The following BDP1 variants were observed in gnomAD, a reference collection of about 807,000 sequenced individuals.
The protein encoded by BDP1 is transcription factor TFIIIB component B'' homolog.
Under a neutral mutation model 266.6 loss-of-function variants are expected in BDP1, and 169 were observed. That is an observed-to-expected ratio of 0.63 (90% confidence interval 0.56 to 0.72). The LOEUF (loss-of-function observed/expected upper bound fraction) is 0.72. BDP1 is among the 30% of genes least tolerant of loss of function. The pLI is 0.00. For synonymous variants in BDP1, 1,090 were observed against 1,022.4 expected (o/e 1.07, Z -1.26); for missense variants, 3,015 against 3,053.8 (o/e 0.99, Z 0.30).
rs759069571 is a variant in BDP1, at chr5:71,455,968, C to T, written c.91C>T (p.Arg31Trp). The change falls in exon 1 of 39, where the codon CGG becomes TGG. Residue 31 changes from arginine to tryptophan, a missense_variant. By Grantham distance (101) the Arg-to-Trp change is moderately radical (BLOSUM62 -3). Transcript: ENST00000358731. ...CACAGCTTCCAATCCCCAGCGTGGA[C>T]GGGAGTCTCCCAGGCCGCCGGATCC... ...GSTASNPQRGRESPRPPDPAT... is the reference protein window; with the variant it reads ...GSTASNPQRGWESPRPPDPAT... The T allele has an allele frequency of 3.1e-6, 5 of 1,613,194 alleles. No homozygotes were observed. Among genetic ancestry groups the T allele is most frequent in the Non-Finnish European group, 3.4e-6 (4 of 1,179,850 alleles).
chr5:71,485,866 T>C (rs930813655), intron 8 of BDP1, among the ~76,000 whole-genome samples: 1 of 152,164 alleles, frequency 6.6e-6, no homozygotes, highest in African/African-American at 2.4e-5. Context: ...AAAAAATTGA[T>C]TTATATTTAT....
chr5:71,502,254 A>T (rs929887889), intron 14 of BDP1, among the ~76,000 whole-genome samples: 6 of 145,682 alleles, frequency 4.1e-5, no homozygotes, highest in African/African-American at 1.5e-4. Context: ...TGCTCACTGC[A>T]ACCTCTGCCT....
intron 37 of BDP1, among the ~76,000 whole-genome samples, chr5:71,560,541 A>T (rs1174666558): frequency 6.6e-6 from 1 of 152,214 alleles, no homozygotes; most frequent in African/African-American, 2.4e-5. Context: ...TTCAGTAGCT[A>T]CTAATGCACA....
intron 25 of BDP1, among the ~76,000 whole-genome samples, chr5:71,527,949 G>A (rs533949379): frequency 1.1e-4 from 16 of 151,760 alleles, no homozygotes; most frequent in Admixed American, 7.9e-4. Context: ...CTCCCAAGAA[G>A]CTGGGATTAC....
intron 30 of BDP1, among the ~76,000 whole-genome samples, chr5:71,543,236 C>G (rs1412503115): frequency 6.6e-6 from 1 of 152,132 alleles, no homozygotes; most frequent in Admixed American, 6.5e-5. Context: ...GAACTGTGAT[C>G]ATGCCACTGT....
intron 34 of BDP1, 124 bp downstream of exon 34, chr5:71,549,730 A>G: frequency 1.3e-6 from 1 of 756,392 alleles, no homozygotes. Flanking sequence ...TTTATCATTT[A>G]TGTGGTAAGT....
intron 36 of BDP1, among the ~76,000 whole-genome samples, chr5:71,557,620 G>A (rs193130302): frequency 8.8e-5 from 10 of 113,006 alleles, no homozygotes; most frequent in Non-Finnish European, 1.8e-4. Flanking sequence ...TCCTGACCTC[G>A]TGATCTGCCG....
chr5:71,483,804 T>G, intron 7 of BDP1, 38 bp from the exon 8 acceptor site: 1 of 1,509,444 alleles, frequency 6.6e-7, no homozygotes, highest in Non-Finnish European at 9.2e-7. Context: ...GCTTGTTTTA[T>G]GAGAGAAAAT....
At chr5:71,576,594 G>A in the BDP1 span, among the ~76,000 whole-genome samples, 2 of 152,344 alleles carry the variant, frequency 1.3e-5, no homozygotes, top group African/African-American at 2.4e-5. Flanking sequence ...TAGACCCAGT[G>A]TCTTGGCCCA....
rs75514303 is a variant in BDP1, at chr5:71,466,897, G to A, written c.786-457G>A. Among the ~76,000 whole-genome samples the A allele has an allele frequency of 6.2e-3, 946 of 152,130 alleles. 15 individuals are homozygous for A. Among genetic ancestry groups the A allele is most frequent in the African/African-American group, 0.022 (905 of 41,524 alleles). On this transcript the variant is annotated intron_variant, in intron 5 of 38. Transcript: ENST00000358731. ...TACTGCTAATAATAGTTGTTTTTGTGTGCTATTTTCCATTAGTTTGTGATG... is the reference window on the plus strand; with the variant it reads ...TACTGCTAATAATAGTTGTTTTTGTATGCTATTTTCCATTAGTTTGTGATG...
At chr5:71,471,639 C>T (rs1163834434) in intron 7 of BDP1, among the ~76,000 whole-genome samples, 1 of 152,154 alleles carries the variant, frequency 6.6e-6, no homozygotes, top group South Asian at 2.1e-4. Flanking sequence ...GATGAGCTTT[C>T]TCTGTTTTTT....
the BDP1 span, among the ~76,000 whole-genome samples, chr5:71,573,218 ACT>A: frequency 9.8e-5 from 14 of 142,520 alleles, no homozygotes; most frequent in African/African-American, 3.7e-4. Flanking sequence ...ACAGAACGAG[ACT>A]CTGTTTCAAA....
intron 4 of BDP1, 94 bp from the exon 5 acceptor site, chr5:71,466,002 G>A (rs752071014): frequency 6.6e-5 from 87 of 1,321,890 alleles, no homozygotes; most frequent in Non-Finnish European, 8.9e-5. Context: ...GAAATAGCTA[G>A]AAGGTTGAGT....
chr5:71,575,084 T>C, the BDP1 span, among the ~76,000 whole-genome samples: 3 of 152,222 alleles, frequency 2.0e-5, no homozygotes, highest in Non-Finnish European at 4.4e-5. Context: ...TTTTCAGCCT[T>C]ATGTCGCAAA....
At chr5:71,504,571 ATGCCTCAT>A in intron 15 of BDP1, 42 bp from the exon 16 acceptor site, 1 of 1,531,602 alleles carries the variant, frequency 6.5e-7, no homozygotes, top group Non-Finnish European at 8.9e-7. Flanking sequence ...GAAATCTGTT[ATGCCTCAT>A]TGTGAAACCT....
Position 71,541,437 on chromosome 5 carries a change from T to TG in BDP1, c.6023-17_6023-16insG. 1 of 1,047,716 alleles carries TG rather than the reference T, an allele frequency of 9.5e-7. No individual in the cohort carries two copies. The highest frequency in any genetic ancestry group is 1.3e-6 in the Non-Finnish European group (1 of 757,258). 64.9% of individuals were successfully genotyped at this position (1,047,716 alleles called of 1,614,324 possible). On this transcript the variant is annotated splice_polypyrimidine_tract_variant and intron_variant, in intron 28 of 38. Transcript: ENST00000358731. ...AATTTGGTCCATTTTAATTTTGTTT[T>TG]TTTTTTTTTTCTTCAGTAGGAGTAT...
Position 71,458,795 on chromosome 5 carries a change from C to T in BDP1, c.429C>T (p.Tyr143=). The T allele has an allele frequency of 6.2e-7, 1 of 1,613,906 alleles. No individual in the cohort carries two copies. ...AGAAACAGCCATGCTCAGACAGATA[C>T]CGAATATACAAAGCCCAGAAACTGA... is the stretch of plus-strand genomic sequence containing the variant. ...TKEKQPCSDR[Y]RIYKAQKLRE... is the part of the protein sequence containing the mutation. The change falls in exon 2 of 39, where the codon TAC becomes TAT. Residue 143 remains tyrosine (Y), a synonymous_variant. Coordinates refer to ENST00000358731, the MANE Select transcript of BDP1 (RefSeq NM_018429.3).
At chr5:71,512,998 G>C (rs959689596) in intron 18 of BDP1, among the ~76,000 whole-genome samples, 187 bp from the exon 19 acceptor site, 3 of 145,290 alleles carry the variant, frequency 2.1e-5, no homozygotes, top group Non-Finnish European at 3.0e-5. Context: ...CGGAGGTCAA[G>C]GCTGCAGTGA....
chr5:71,511,744 T>C lies in BDP1; in HGVS notation c.4060-497T>C, dbSNP rs537915064. 7.2e-5 allele frequency among the ~76,000 whole-genome samples: 11 copies of C among 152,304 alleles called. No homozygotes were observed. In the South Asian group the frequency reaches 2.1e-3, roughly 29 times the overall value. ...GATGGGCAAGGATCAAACTTTTCTT[T>C]TGGCTTAGGTTTGAGATCTCAAAAA... On this transcript the variant is annotated intron_variant, in intron 17 of 38. Coordinates refer to ENST00000358731, the MANE Select transcript of BDP1 (RefSeq NM_018429.3).
Sources: allele counts gnomAD v4.1 joint callset (sites outside exome capture counted in the v4.1 genomes callset), GRCh38; gene constraint gnomAD v4.1.1; transcripts MANE v1.5; gene names NCBI Gene and HGNC (gene_info 2026-07-23, HGNC 2026-07-21).